The following IQANK1 variants were observed in gnomAD, a reference collection of about 807,000 sequenced individuals.
IQANK1 encodes IQ motif and ankyrin repeat containing 1, also known as IQ motif and ankyrin repeat domain-containing protein 1.
In IQANK1, 30 loss-of-function variants were observed where a neutral mutation model predicts 22.6. That is an observed-to-expected ratio of 1.33 (90% CI 0.99 to 1.80). IQANK1 has a LOEUF of 1.80. IQANK1 is among the 40% of genes most tolerant of loss of function. The probability of loss-of-function intolerance (pLI) is 0.00; values close to 1 mark genes in which losing one functional copy is unlikely to be tolerated. For synonymous variants in IQANK1, 122 were observed against 99.6 expected, an observed-to-expected ratio of 1.23 and a Z score of -1.34; for missense variants, 275 against 235.2, an observed-to-expected ratio of 1.17 and a Z score of -1.11.
intron 3 of IQANK1, among the ~76,000 whole-genome samples, chr8:143,762,929 C>T (rs1010777058): frequency 6.6e-6 from 1 of 151,772 alleles, no homozygotes; most frequent in African/African-American, 2.4e-5. Context: ...ATTCATGACC[C>T]TCCCTCTTTT....
At chr8:143,789,158 G>A (rs782157162) in intron 8 of IQANK1, 31 bp from the exon 9 acceptor site, 5 of 400,540 alleles carry the variant, frequency 1.2e-5, no homozygotes, top group Non-Finnish European at 2.2e-5. Context: ...GCTGGCGGAA[G>A]CCTCTGTCCC....
intron 3 of IQANK1, among the ~76,000 whole-genome samples, chr8:143,748,669 T>A (rs1819089565): frequency 1.0e-5 from 1 of 97,176 alleles, no homozygotes; most frequent in South Asian, 2.4e-4. Context: ...CATATATAAA[T>A]ATATAAATAT....
At chr8:143,749,585 TTA>T (rs1437913389) in intron 3 of IQANK1, among the ~76,000 whole-genome samples, 76 of 77,490 alleles carry the variant, frequency 9.8e-4, no homozygotes, top group African/African-American at 2.3e-3. Context: ...TATATATATT[TTA>T]TTTATTTATT....
chr8:143,737,050 G>T (rs1242789435), intron 2 of IQANK1, among the ~76,000 whole-genome samples: 1 of 152,116 alleles, frequency 6.6e-6, no homozygotes, highest in Non-Finnish European at 1.5e-5. Flanking sequence ...GATGGTGACC[G>T]CTCCTCCACG....
intron 3 of IQANK1, among the ~76,000 whole-genome samples, chr8:143,749,938 CT>C (rs1268107799): frequency 2.4e-4 from 37 of 151,322 alleles, no homozygotes; most frequent in African/African-American, 8.0e-4. Context: ...CTATATTGAA[CT>C]TTTTTTGATA....
Position 143,789,976 on chromosome 8 carries a change from G to C in IQANK1, c.1201G>C (p.Glu401Gln), listed in dbSNP as rs556467629. The C allele has an allele frequency of 8.1e-7, 1 of 1,232,044 alleles. No homozygotes were observed. Among genetic ancestry groups the C allele is most frequent in the African/African-American group, 1.5e-5 (1 of 64,554 alleles). 76.3% of individuals were successfully genotyped at this position (1,232,044 alleles called of 1,614,324 possible). A position where few individuals can be genotyped will look rare whatever the true frequency, so the allele number is the denominator to read the frequency against. The change falls in exon 12 of 14, where the codon GAA (glutamate) becomes CAA (glutamine). Residue 401 changes from glutamate (E) to glutamine (Q), a missense_variant. By Grantham distance (29) the Glu-to-Gln change is conservative. Coordinates refer to ENST00000527139, the MANE Select transcript of IQANK1 (RefSeq NM_001381874.1). ...GCACTCTGCTACCCCGACAGGGGAG[G>C]AAGAGGCGCCTGGGCTGAAGTGCCA... ...ELREQTQEGE[E>Q]EAPGLKCQVT... is the part of the protein sequence containing the mutation.
chr8:143,772,461 G>C lies in IQANK1; in HGVS notation c.768G>C (p.Glu256Asp). Reference protein sequence around the residue: ...KLGADPRVYAEDGSTPERVAS... With the variant: ...KLGADPRVYADDGSTPERVAS... ...GAGCAGACCCCCGGGTGTACGCAGA[G>C]GACGGGAGCACCCCTGAGCGGGTGT... The change falls in exon 7 of 14, where the codon GAG becomes GAC. Residue 256 changes from glutamate (E) to aspartate (D), a missense_variant. By Grantham distance (45) the Glu-to-Asp change is conservative (BLOSUM62 2). Coordinates refer to ENST00000527139, the MANE Select transcript of IQANK1 (RefSeq NM_001381874.1). 1 of 399,360 alleles carries C rather than the reference G, an allele frequency of 2.5e-6. No individual in the cohort carries two copies. Among genetic ancestry groups the C allele is most frequent in the Non-Finnish European group, 4.4e-6 (1 of 226,360 alleles). The allele number at this position is 399,360 out of a possible 1,614,324, so 24.7% of individuals were successfully genotyped here.
chr8:143,760,057 T>C (rs1196570213), intron 3 of IQANK1, among the ~76,000 whole-genome samples: 1 of 152,164 alleles, frequency 6.6e-6, no homozygotes, highest in Non-Finnish European at 1.5e-5. Context: ...TGGACCACCA[T>C]GGTGTTTTGG....
intron 3 of IQANK1, among the ~76,000 whole-genome samples, chr8:143,768,637 T>C (rs1402922087): frequency 2.0e-5 from 3 of 152,166 alleles, no homozygotes; most frequent in African/African-American, 7.2e-5. Context: ...CCCTCTAGTG[T>C]GTTTTTAATC....
At chr8:143,761,550 G>A (rs1280991645) in intron 3 of IQANK1, among the ~76,000 whole-genome samples, 1 of 152,158 alleles carries the variant, frequency 6.6e-6, no homozygotes, top group Admixed American at 6.5e-5. Context: ...CGGGAGGATT[G>A]CTTCAGCCCA....
At chr8:143,788,593 A>T (rs1261237520) in intron 7 of IQANK1, among the ~76,000 whole-genome samples, 2 of 152,214 alleles carry the variant, frequency 1.3e-5, no homozygotes, top group Non-Finnish European at 2.9e-5. Flanking sequence ...CTTGAGTCTG[A>T]CAGAGGCGGG....
chr8:143,789,865 G>A lies in IQANK1; in HGVS notation c.1191G>A (p.Gln397=). The A allele has an allele frequency of 8.1e-7, 1 of 1,232,146 alleles. No homozygotes were observed. Among genetic ancestry groups the A allele is most frequent in the Non-Finnish European group, 1.0e-6 (1 of 988,142 alleles). 76.3% of individuals were successfully genotyped at this position (1,232,146 alleles called of 1,614,324 possible). ...MARLELREQT[Q]EGEEEAPGLK... is the part of the protein sequence containing the mutation. ...GGCTGGAGCTTCGGGAGCAGACGCA[G>A]GAGGGTGGGCCTGGCATGGGGCGCC... The change falls in exon 11 of 14, where the codon CAG becomes CAA. Residue 397 remains glutamine (Q), a synonymous_variant. Coordinates refer to ENST00000527139, the MANE Select transcript of IQANK1 (RefSeq NM_001381874.1).
At chr8:143,748,684 CATAT>C (rs1298229804) in intron 3 of IQANK1, among the ~76,000 whole-genome samples, 9 of 86,092 alleles carry the variant, frequency 1.0e-4, no homozygotes, top group Non-Finnish European at 1.4e-4. Context: ...AAATATATAT[CATAT>C]ATATCATATA....
chr8:143,740,799 G>A (rs1403352680), intron 3 of IQANK1, among the ~76,000 whole-genome samples: 1 of 152,164 alleles, frequency 6.6e-6, no homozygotes, highest in Non-Finnish European at 1.5e-5. Context: ...CGCCCCAGGT[G>A]TCAGGATAAG....
At chr8:143,738,130 G>T (rs566400009) in intron 2 of IQANK1, among the ~76,000 whole-genome samples, 22 of 152,242 alleles carry the variant, frequency 1.4e-4, no homozygotes, top group Middle Eastern at 6.8e-3. Flanking sequence ...CCCCTGGGGT[G>T]GGGGGCGGGG....
intron 3 of IQANK1, among the ~76,000 whole-genome samples, chr8:143,764,914 T>C (rs1819458648): frequency 1.3e-5 from 2 of 152,294 alleles, no homozygotes; most frequent in South Asian, 4.1e-4. Flanking sequence ...CAATAGAATG[T>C]AAGAGCTCAC....
intron 2 of IQANK1, among the ~76,000 whole-genome samples, chr8:143,736,964 C>G (rs1051610298): frequency 1.3e-5 from 2 of 152,160 alleles, no homozygotes; most frequent in African/African-American, 4.8e-5. Context: ...CCCAGACTGC[C>G]CCTCTGCTTA....
intron 7 of IQANK1, among the ~76,000 whole-genome samples, chr8:143,785,471 G>A (rs1484007937): frequency 2.6e-5 from 4 of 152,028 alleles, no homozygotes; most frequent in African/African-American, 9.7e-5. Flanking sequence ...GGCTAGGCTG[G>A]TCTTGAACTC....
In IQANK1 at chr8:143,787,930, T is replaced by C. The variant is rs962162740; in HGVS notation, c.790-985T>C. Among the ~76,000 whole-genome samples, 2 of 152,084 alleles carry C rather than the reference T, an allele frequency of 1.3e-5. 1 individual carries two copies. The highest frequency in any genetic ancestry group is 4.1e-4 in the South Asian group (2 of 4,822). On this transcript the variant is annotated intron_variant, in intron 7 of 13. Transcript: ENST00000527139. ...CTGCCACACCTTCTCGGTCTGCTCT[T>C]GGTTGTGGCACCCACCTTCAGCCAC...
Sources: gnomAD v4.1 joint callset for allele counts (sites outside exome capture counted in the v4.1 genomes callset) on GRCh38, gnomAD v4.1.1 for gene constraint, MANE v1.5 for transcripts, NCBI Gene and HGNC (gene_info 2026-07-23, HGNC 2026-07-21) for gene names.